NEB: variants seen among roughly 807,000 people sequenced by gnomAD.
NEB encodes nebulin, also known as nemaline myopathy type 2.
A neutral mutation model predicts 952.2 loss-of-function variants in NEB; 512 were observed. The observed-to-expected ratio is 0.54, with a 90% CI of 0.50 to 0.58. NEB has a LOEUF of 0.58. Ranked by LOEUF, NEB falls within the 20% of genes least tolerant of loss-of-function variation. The pLI is 0.00. For missense variants in NEB, 8,428 were observed against 9,231.1 expected, an observed-to-expected ratio of 0.91 and a Z score of 3.56; for synonymous variants, 2,900 against 3,149.8, an observed-to-expected ratio of 0.92 and a Z score of 2.66.
chr2:151,616,587 G>A (rs765474856), intron 75 of NEB, among the ~76,000 whole-genome samples: 4 of 152,070 alleles, frequency 2.6e-5, no homozygotes, highest in East Asian at 3.9e-4. Flanking sequence ...CCAGTTACTC[G>A]GGAGGCTGAG....
At position 151,663,766 on chromosome 2, in the gene NEB, C is replaced by A; in HGVS notation, c.5545G>T (p.Val1849Leu). 6.2e-7 allele frequency: 1 copy of A among 1,613,862 alleles called. No individual in the cohort carries two copies. Among genetic ancestry groups the A allele is most frequent in the Non-Finnish European group, 8.5e-7 (1 of 1,179,794 alleles). Residue 1849 changes from valine to leucine, a missense_variant, in exon 45 of 182, where the codon GTG (valine) becomes TTG (leucine). Around this residue, in one of 11 missense-constraint regions of NEB, gnomAD observed 2,851 missense variants for 2,791.5 expected, o/e 1.02. Coordinates refer to ENST00000397345, the MANE Select transcript of NEB (RefSeq NM_001164508.2). ...TCCCGGTCTGACTGCATCTTGGCCA[C>A]TTGCATGAAGTGCACCAGCTTGGGG... Reference protein sequence around the residue: ...DDPKLVHFMQVAKMQSDREYK... With the variant: ...DDPKLVHFMQLAKMQSDREYK...
chr2:151,702,004 G>A (rs1354154503), intron 13 of NEB, among the ~76,000 whole-genome samples: 1 of 149,040 alleles, frequency 6.7e-6, no homozygotes, highest in Non-Finnish European at 1.5e-5. Flanking sequence ...TGGGCATTTA[G>A]TGCTATAAAT....
Position 151,561,195 on chromosome 2 carries a change from CA to C in NEB, c.19101+12del, listed in dbSNP as rs2096019569. The C allele has an allele frequency of 6.3e-7, 1 of 1,596,918 alleles. No homozygotes were observed. The highest frequency in any genetic ancestry group is 8.6e-7 in the Non-Finnish European group (1 of 1,168,568). ...ATAGTTTGTCCCTGGAAGAGGAGTACAGGAAGACGCACCTCACTGGCATTAA... is the reference window on the plus strand; with the variant it reads ...ATAGTTTGTCCCTGGAAGAGGAGTACGGAAGACGCACCTCACTGGCATTAA... On this transcript the variant is annotated intron_variant, in intron 122 of 181. Coordinates refer to ENST00000397345, the MANE Select transcript of NEB (RefSeq NM_001164508.2).
chr2:151,594,490 A>G (rs78128898), intron 92 of NEB, among the ~76,000 whole-genome samples, 172 bp from the exon 93 acceptor site: 173 of 151,394 alleles, frequency 1.1e-3, no homozygotes, highest in African/African-American at 3.0e-3. Context: ...ATACGATTTT[A>G]GGTCATTTCA....
At chr2:151,648,697 T>A (rs1284099347) in intron 54 of NEB, among the ~76,000 whole-genome samples, 1 of 152,186 alleles carries the variant, frequency 6.6e-6, no homozygotes, top group Non-Finnish European at 1.5e-5. Flanking sequence ...AGCATGCCAC[T>A]CCCCAGTTGT....
At chr2:151,619,414 G>C in intron 73 of NEB, 37 bp downstream of exon 73, 2 of 1,545,170 alleles carry the variant, frequency 1.3e-6, no homozygotes, top group Non-Finnish European at 1.8e-6. Flanking sequence ...TTTCAGATCC[G>C]CTTTTAACAT....
At chr2:151,724,828 T>A (rs904398540) in intron 7 of NEB, 29 bp downstream of exon 7, 2 of 1,572,292 alleles carry the variant, frequency 1.3e-6, no homozygotes, top group East Asian at 4.5e-5. Context: ...TGCTACTGAG[T>A]ACCCCAGCCA....
intron 181 of NEB, chr2:151,486,383 C>T (rs536689277): frequency 6.3e-6 from 1 of 159,000 alleles, no homozygotes; most frequent in Admixed American, 6.2e-5. Context: ...GAAATTGGGT[C>T]CTTCATAAAC....
At position 151,552,775 on chromosome 2, in the gene NEB, A is replaced by G; in HGVS notation, c.19733T>C (p.Ile6578Thr). 1 of 1,608,716 alleles carries G rather than the reference A, an allele frequency of 6.2e-7. No individual in the cohort carries two copies. The highest frequency in any genetic ancestry group is 8.5e-7 in the Non-Finnish European group (1 of 1,176,466). The part of the protein sequence containing the change: ...AKHAYDLRDD[I>T]KYKAHMLKTR... ...TTTCAACATGTGAGCTTTATACTTG[A>G]TCTGCCGAGAGGAAGAAAACAAGCC... The change falls in exon 128 of 182, where the codon ATC (isoleucine) becomes ACC (threonine). Residue 6578 changes from isoleucine to threonine, a missense_variant and splice_region_variant. Transcript: ENST00000397345.
In NEB at chr2:151,682,268, T is replaced by G. The variant is rs139749127; in HGVS notation, c.2943+394A>C. ...GCAGCATTTTAAAATTCAATTGCAG[T>G]GATGACTGCACAATTATATGAATTT... is the stretch of plus-strand genomic sequence containing the variant. On this transcript the variant is annotated intron_variant, in intron 29 of 181. Coordinates refer to ENST00000397345, the MANE Select transcript of NEB (RefSeq NM_001164508.2). Among the ~76,000 whole-genome samples, 185 of 152,310 alleles carry G rather than the reference T, an allele frequency of 1.2e-3. 2 individuals carry two copies. Among genetic ancestry groups the G allele is most frequent in the African/African-American group, 3.9e-3 (163 of 41,562 alleles).
Position 151,576,270 on chromosome 2 carries a change from C to A in NEB, c.16789G>T (p.Ala5597Ser), listed in dbSNP as rs749713442. The A allele has an allele frequency of 3.7e-6, 6 of 1,610,822 alleles. No homozygotes were observed. Among genetic ancestry groups the A allele is most frequent in the Admixed American group, 3.3e-5 (2 of 59,890 alleles). Residue 5597 changes from alanine to serine, a missense_variant, in exon 106 of 182, where the codon GCC (alanine) becomes TCC (serine). Transcript: ENST00000397345. ...GSPEVLRVKN[A>S]QNIFCDSVYR... ...ACACTGTCACAAAAGATATTCTGGG[C>A]GTTTTTGACTCTCAACACTTCAGGA...
rs754970992 is a variant in NEB at position 151,697,355 on chromosome 2, T to C, written c.1360A>G (p.Ser454Gly). ...ACAATTGTCTTAGAACTTACATCAC[T>C]GTTTTGAGCTGTGACTTTCATGCAG... ...SHCMKVTAQNSDKNYKAEYEE... is the reference protein window; with the variant it reads ...SHCMKVTAQNGDKNYKAEYEE... The change falls in exon 15 of 182, where the codon AGT becomes GGT. Residue 454 changes from serine (S) to glycine (G), a missense_variant. Ser to Gly is a moderately conservative substitution (Grantham distance 56). Around this residue, in one of 11 missense-constraint regions of NEB, gnomAD observed 2,851 missense variants for 2,791.5 expected, o/e 1.02. Coordinates refer to ENST00000397345, the MANE Select transcript of NEB (RefSeq NM_001164508.2). 3.0e-5 allele frequency: 49 copies of C among 1,613,518 alleles called. No individual in the cohort carries two copies. The highest frequency in any genetic ancestry group is 4.1e-5 in the Non-Finnish European group (48 of 1,179,550).
At position 151,633,952 on chromosome 2, in the gene NEB, T is replaced by A. The variant is rs1455380794; in HGVS notation, c.9116A>T (p.Asp3039Val). 1.2e-6 allele frequency: 2 copies of A among 1,612,188 alleles called. No homozygotes were observed. Among genetic ancestry groups the A allele is most frequent in the Non-Finnish European group, 1.7e-6 (2 of 1,178,530 alleles). ...GTGGCCAAGTTGCTTGCAGTAACCATCTTTATATTTGTACTAAAATGAAAA... is the reference window on the plus strand; with the variant it reads ...GTGGCCAAGTTGCTTGCAGTAACCAACTTTATATTTGTACTAAAATGAAAA... Reference protein sequence around the residue: ...RDIISDYKYKDGYCKQLGHHI... With the variant: ...RDIISDYKYKVGYCKQLGHHI... Residue 3039 changes from aspartate to valine, a missense_variant, in exon 65 of 182, where the codon GAT becomes GTT. Coordinates refer to ENST00000397345, the MANE Select transcript of NEB (RefSeq NM_001164508.2).
chr2:151,605,187 C>A (rs1370925503), intron 84 of NEB, among the ~76,000 whole-genome samples: 1 of 127,550 alleles, frequency 7.8e-6, no homozygotes, highest in Non-Finnish European at 1.8e-5. Flanking sequence ...GGTAGATCCA[C>A]ATGAAACTAC....
At chr2:151,491,994 A>G in intron 178 of NEB, 104 bp downstream of exon 178, 2 of 1,255,264 alleles carry the variant, frequency 1.6e-6, no homozygotes. Context: ...CTAGAAAAAC[A>G]GATTGAAGTC....
At chr2:151,496,863 G>A in intron 172 of NEB, 78 bp downstream of exon 172, 1 of 1,411,742 alleles carries the variant, frequency 7.1e-7, no homozygotes, top group African/African-American at 1.4e-5. Context: ...TAGAAAATAG[G>A]ATTAATATGT....
chr2:151,693,359 T>G (rs2099573094), intron 20 of NEB, among the ~76,000 whole-genome samples: 1 of 152,074 alleles, frequency 6.6e-6, no homozygotes, highest in Non-Finnish European at 1.5e-5. Flanking sequence ...GCACAGATCA[T>G]CCTGTCACCT....
rs576537316 is a variant in NEB, at chr2:151,696,570, T to C, written c.1569+67A>G. The C allele has an allele frequency of 2.0e-5, 25 of 1,230,120 alleles. No homozygotes were observed. The East Asian group carries it at 4.9e-4, about 24-fold the overall frequency. The allele number at this position is 1,230,120 out of a possible 1,614,324, so 76.2% of individuals were successfully genotyped here. A position where few individuals can be genotyped will look rare whatever the true frequency, so the allele number is the denominator to read the frequency against. On this transcript the variant is annotated intron_variant, in intron 17 of 181. Transcript: ENST00000397345. ...GAATAAACTTGATAAGTCATTGGAT[T>C]TTATGTATAGAGTTATGAAATGTTA...
Position 151,485,617 on chromosome 2 carries a change from G to T in NEB, c.*143C>A. ...GCAACTTATTTTAAAACCCAAAGGA[G>T]AAAGGATGGTACTACCATAAATCAC... On this transcript the variant is annotated 3_prime_UTR_variant, in exon 182 of 182. Transcript: ENST00000397345. 1.4e-6 allele frequency: 1 copy of T among 706,616 alleles called. No homozygotes were observed. The highest frequency in any genetic ancestry group is 2.2e-6 in the Non-Finnish European group (1 of 454,446). The allele number at this position is 706,616 out of a possible 1,614,324, so 43.8% of individuals were successfully genotyped here.
Sources: allele counts gnomAD v4.1 joint callset (sites outside exome capture counted in the v4.1 genomes callset), GRCh38; gene constraint gnomAD v4.1.1; regional missense constraint gnomAD v4.1.1; transcripts MANE v1.5; gene names NCBI Gene and HGNC (gene_info 2026-07-23, HGNC 2026-07-21).